Variants in TEX48 observed in about 807,000 individuals in gnomAD.
TEX48 encodes the protein testis expressed 48, also known as testis-expressed protein 48.
A neutral mutation model predicts 13.2 loss-of-function variants in TEX48; 10 were observed. The observed-to-expected ratio is 0.75, with a 90% CI of 0.47 to 1.28. The LOEUF is 1.28. Among genes scored for constraint, TEX48 ranks in the 50% most tolerant of loss-of-function variants. The pLI is 0.00. For missense variants in TEX48, 116 were observed against 139.4 expected (o/e 0.83, Z 0.84); for synonymous variants, 45 against 52.3 (o/e 0.86, Z 0.60).
intron 1 of TEX48, among the ~76,000 whole-genome samples, chr9:114,679,996 T>C (rs769117260): frequency 6.6e-6 from 1 of 152,048 alleles, no homozygotes; most frequent in Non-Finnish European, 1.5e-5. Flanking sequence ...GGTTAATCTA[T>C]AGCTAAGCCC....
rs2133754380 is a variant in TEX48 at position 114,666,746 on chromosome 9, T to C, written c.260A>G (p.Asp87Gly). The change falls in exon 5 of 5, where the codon GAT becomes GGT. Residue 87 changes from aspartate (D) to glycine (G), a missense_variant and splice_region_variant. Coordinates refer to ENST00000436752, the MANE Select transcript of TEX48 (RefSeq NM_001199233.2). ...TCTTTGGGAAGCATATGCATTCAGA[T>C]CTGAAAGAAGAAAGGAAAAAATTAT... Reference protein sequence around the residue: ...STSSSSSEFEDLNAYASQRNF... With the variant: ...STSSSSSEFEGLNAYASQRNF... The C allele has an allele frequency of 6.6e-7, 1 of 1,504,552 alleles. No individual in the cohort carries two copies. The highest frequency in any genetic ancestry group is 2.5e-5 in the East Asian group (1 of 40,732). The allele number at this position is 1,504,552 out of a possible 1,614,324, so 93.2% of individuals were successfully genotyped here. A position where few individuals can be genotyped will look rare whatever the true frequency, so the allele number is the denominator to read the frequency against.
intron 1 of TEX48, among the ~76,000 whole-genome samples, chr9:114,673,057 G>A (rs766242720): frequency 6.6e-6 from 1 of 152,122 alleles, no homozygotes. Context: ...ACATACGCGC[G>A]TTACTGGACT....
chr9:114,680,311 A>G (rs1828169227), intron 1 of TEX48, among the ~76,000 whole-genome samples: 1 of 151,760 alleles, frequency 6.6e-6, no homozygotes, highest in Admixed American at 6.6e-5. Flanking sequence ...TTTTTAGTAG[A>G]GATGGGGTTT....
chr9:114,668,974 C>T (rs1827892933), intron 3 of TEX48, among the ~76,000 whole-genome samples: 1 of 151,922 alleles, frequency 6.6e-6, no homozygotes, highest in African/African-American at 2.4e-5. Flanking sequence ...GTAGCTAGGA[C>T]TACAGGCATG....
intron 2 of TEX48, 87 bp from the exon 3 acceptor site, chr9:114,671,592 T>C (rs1026624144): frequency 4.6e-6 from 7 of 1,526,186 alleles, no homozygotes; most frequent in African/African-American, 1.4e-5. Flanking sequence ...GGGGGTATCA[T>C]TGGGTCAGCC....
At chr9:114,670,557 A>G (rs1456005611) in intron 3 of TEX48, among the ~76,000 whole-genome samples, 2 of 149,400 alleles carry the variant, frequency 1.3e-5, no homozygotes, top group Non-Finnish European at 3.0e-5. Flanking sequence ...ATCTCTTTTC[A>G]TGGATCTTCA....
intron 1 of TEX48, among the ~76,000 whole-genome samples, chr9:114,674,254 A>C (rs1399748396): frequency 6.6e-6 from 1 of 151,694 alleles, no homozygotes; most frequent in African/African-American, 2.4e-5. Flanking sequence ...CTCATCACCA[A>C]CTCTGTCTTC....
At chr9:114,674,106 A>G (rs1828004298) in intron 1 of TEX48, among the ~76,000 whole-genome samples, 1 of 152,148 alleles carries the variant, frequency 6.6e-6, no homozygotes, top group South Asian at 2.1e-4. Flanking sequence ...GCGCCTGGCC[A>G]GAAAGATTTT....
At chr9:114,668,366 T>TG in intron 3 of TEX48, 29 bp from the exon 4 acceptor site, 2 of 1,532,520 alleles carry the variant, frequency 1.3e-6, no homozygotes, top group Non-Finnish European at 1.7e-6. Context: ...CAGGGTCACG[T>TG]GGGGGAGGCT....
At chr9:114,670,948 C>G (rs903011183) in intron 3 of TEX48, among the ~76,000 whole-genome samples, 3 of 152,164 alleles carry the variant, frequency 2.0e-5, no homozygotes, top group African/African-American at 7.2e-5. Flanking sequence ...GGTCAAGAGA[C>G]TTGCCCAATT....
chr9:114,681,436 A>G (rs547810458), intron 1 of TEX48, among the ~76,000 whole-genome samples: 1 of 152,326 alleles, frequency 6.6e-6, no homozygotes, highest in South Asian at 2.1e-4. Context: ...TTGGAGATCT[A>G]CTGTTAGCTA....
chr9:114,673,078 C>T (rs893398847), intron 1 of TEX48, among the ~76,000 whole-genome samples: 2 of 151,884 alleles, frequency 1.3e-5, no homozygotes, highest in African/African-American at 2.4e-5. Flanking sequence ...CTCAGAAGGA[C>T]GAAGGGCAGA....
At chr9:114,674,842 C>CTG (rs764457980) in intron 1 of TEX48, among the ~76,000 whole-genome samples, 1 of 135,126 alleles carries the variant, frequency 7.4e-6, no homozygotes, top group African/African-American at 2.8e-5. Flanking sequence ...CCAGCAAATT[C>CTG]TTTTTTTTTT....
chr9:114,669,715 A>G (rs757187852), intron 3 of TEX48, among the ~76,000 whole-genome samples: 2 of 152,054 alleles, frequency 1.3e-5, no homozygotes, highest in African/African-American at 2.4e-5. Context: ...TGCTGGGATT[A>G]AAGACATGAA....
chr9:114,681,886 GAA>G (rs1170946530), intron 1 of TEX48, 147 bp downstream of exon 1: 1 of 152,212 alleles, frequency 6.6e-6, no homozygotes, highest in Non-Finnish European at 1.5e-5. Flanking sequence ...GAGAGAGAGA[GAA>G]ACAGTGAGGT....
intron 1 of TEX48, among the ~76,000 whole-genome samples, chr9:114,680,668 C>G (rs896975781): frequency 6.6e-6 from 1 of 152,104 alleles, no homozygotes; most frequent in African/African-American, 2.4e-5. Context: ...CTTTCCTGCA[C>G]CTTTAGTTGA....
At chr9:114,670,774 C>T (rs1564316028) in intron 3 of TEX48, among the ~76,000 whole-genome samples, 1 of 152,144 alleles carries the variant, frequency 6.6e-6, no homozygotes, top group Non-Finnish European at 1.5e-5. Context: ...TTTGTTTCAG[C>T]AGCAGAACAT....
chr9:114,674,648 TCC>T (rs1564317144), intron 1 of TEX48, among the ~76,000 whole-genome samples: 57 of 126,446 alleles, frequency 4.5e-4, no homozygotes, highest in African/African-American at 2.0e-3. Context: ...CTTCCTTCCT[TCC>T]TTCCTTCCTT....
intron 1 of TEX48, among the ~76,000 whole-genome samples, chr9:114,673,785 C>G (rs1278753057): frequency 1.4e-5 from 2 of 145,358 alleles, no homozygotes; most frequent in African/African-American, 5.1e-5. Flanking sequence ...TAAGAAATAG[C>G]AAATATGTGG....
Sources: gnomAD v4.1 joint callset for allele counts (sites outside exome capture counted in the v4.1 genomes callset) on GRCh38, gnomAD v4.1.1 for gene constraint, MANE v1.5 for transcripts, NCBI Gene and HGNC (gene_info 2026-07-23, HGNC 2026-07-21) for gene names.